PDE1C: variants seen among roughly 807,000 people sequenced by gnomAD.
The protein encoded by PDE1C is phosphodiesterase 1C.
A neutral mutation model predicts 93.1 loss-of-function variants in PDE1C; 62 were observed. That is an observed-to-expected ratio of 0.67 (90% CI 0.54 to 0.82). PDE1C has a LOEUF of 0.82. Among genes scored for constraint, PDE1C ranks in the 40% least tolerant of loss-of-function variants. The pLI, the probability that PDE1C is intolerant of heterozygous loss-of-function variation, is 0.00. For missense variants in PDE1C, 742 were observed against 884.6 expected (o/e 0.84, Z 2.04); for synonymous variants, 325 against 310.1 (o/e 1.05, Z -0.50).
intron 4 of PDE1C, among the ~76,000 whole-genome samples, chr7:31,878,471 C>T (rs538341052): frequency 2.0e-5 from 3 of 152,188 alleles, no homozygotes; most frequent in East Asian, 1.9e-4. Flanking sequence ...TTAAACTTAC[C>T]GTGGTGTTTC....
At chr7:31,754,913 G>A (rs769315618) in intron 17 of PDE1C, among the ~76,000 whole-genome samples, 18 of 152,196 alleles carry the variant, frequency 1.2e-4, no homozygotes, top group Admixed American at 7.9e-4. Flanking sequence ...TAAGAGGTCG[G>A]AGGAATCCTA....
At chr7:32,245,968 CTT>C (rs369247468) in intron 1 of PDE1C, among the ~76,000 whole-genome samples, 1,302 of 94,802 alleles carry the variant, frequency 0.014, 18 homozygotes, top group African/African-American at 0.041. Context: ...TTTTTCTTTT[CTT>C]TTTTTTTTTT....
At chr7:32,209,734 G>T (rs1401954755) in intron 1 of PDE1C, among the ~76,000 whole-genome samples, 2 of 152,180 alleles carry the variant, frequency 1.3e-5, no homozygotes, top group Non-Finnish European at 2.9e-5. Flanking sequence ...GAAGTCAAAT[G>T]TCTCAATCAT....
chr7:32,179,399 T>A (rs1803235133), intron 2 of PDE1C, among the ~76,000 whole-genome samples: 1 of 151,850 alleles, frequency 6.6e-6, no homozygotes, highest in Admixed American at 6.6e-5. Flanking sequence ...CAGCTGAGAC[T>A]ACAGACGTCC....
chr7:32,384,251 C>A (rs965178044), intron 1 of PDE1C, among the ~76,000 whole-genome samples: 1 of 152,216 alleles, frequency 6.6e-6, no homozygotes, highest in Non-Finnish European at 1.5e-5. Context: ...CACAAAGATT[C>A]TAGTCTAGAT....
intron 2 of PDE1C, among the ~76,000 whole-genome samples, chr7:31,907,070 GGT>G (rs55999814): frequency 0.22 from 31,695 of 145,132 alleles, 3,513 homozygotes; most frequent in South Asian, 0.28. Flanking sequence ...TGATATGTGG[GGT>G]GTGTGTGTGT....
At chr7:32,292,983 G>A (rs906458966) in intron 1 of PDE1C, among the ~76,000 whole-genome samples, 2 of 152,196 alleles carry the variant, frequency 1.3e-5, no homozygotes, top group African/African-American at 4.8e-5. Flanking sequence ...GGCCAGCACA[G>A]TTGTACAGGG....
upstream of PDE1C, among the ~76,000 whole-genome samples, chr7:32,301,318 G>C (rs1332388471): frequency 2.0e-5 from 3 of 151,686 alleles, no homozygotes; most frequent in Admixed American, 6.6e-5. Flanking sequence ...TCAAAAAAAA[G>C]AAAAAAGAAA....
the PDE1C span, among the ~76,000 whole-genome samples, chr7:31,723,443 T>C: frequency 6.6e-6 from 1 of 152,354 alleles, no homozygotes; most frequent in East Asian, 1.9e-4. Context: ...TGCCTGGCAC[T>C]CTAGTGTCAA....
chr7:32,296,935 G>T (rs1348672544), intron 1 of PDE1C, among the ~76,000 whole-genome samples: 1 of 152,176 alleles, frequency 6.6e-6, no homozygotes, highest in Non-Finnish European at 1.5e-5. Context: ...ACCAACAGGT[G>T]CCTAAATAAC....
chr7:32,105,655 A>G (rs1798262310), intron 3 of PDE1C, among the ~76,000 whole-genome samples: 2 of 150,520 alleles, frequency 1.3e-5, no homozygotes, highest in South Asian at 4.2e-4. Flanking sequence ...CTCCCTCTTC[A>G]TCCTCCCAAG....
At chr7:31,678,445 A>G in the PDE1C span, among the ~76,000 whole-genome samples, 1 of 152,206 alleles carries the variant, frequency 6.6e-6, no homozygotes. Flanking sequence ...AATTTAGTAT[A>G]CTATAAAGAT....
At chr7:31,623,395 G>T in the PDE1C span, among the ~76,000 whole-genome samples, 1 of 151,514 alleles carries the variant, frequency 6.6e-6, no homozygotes, top group African/African-American at 2.4e-5. Flanking sequence ...ACATCAAAAA[G>T]CTTATCCACC....
chr7:32,005,831 A>G lies in PDE1C; in HGVS notation c.128+45723T>C, dbSNP rs370809944. Reference sequence around the variant, plus strand: ...TAATTTGGCATTTTTGGATGTGCGCATTTTAAACAGGTTTTGTACAGATTC... The same window carrying G: ...TAATTTGGCATTTTTGGATGTGCGCGTTTTAAACAGGTTTTGTACAGATTC... On this transcript the variant is annotated intron_variant, in intron 2 of 17. Coordinates refer to ENST00000396191, the MANE Select transcript of PDE1C (RefSeq NM_001191057.4). Among the ~76,000 whole-genome samples the G allele has an allele frequency of 1.1e-4, 17 of 152,234 alleles. 3 individuals carry two copies. Among genetic ancestry groups the G allele is most frequent in the Admixed American group, 6.5e-5 (1 of 15,292 alleles).
chr7:32,082,303 C>A (rs1170741394), intron 3 of PDE1C, among the ~76,000 whole-genome samples: 1 of 152,210 alleles, frequency 6.6e-6, no homozygotes, highest in Non-Finnish European at 1.5e-5. Context: ...GGCAGCGAGG[C>A]TGGGGGAGGG....
intron 1 of PDE1C, among the ~76,000 whole-genome samples, chr7:32,315,554 G>A (rs571759814): frequency 6.6e-6 from 1 of 152,116 alleles, no homozygotes; most frequent in Admixed American, 6.5e-5. Context: ...TCCTACCCAG[G>A]AACATTGGTT....
At chr7:32,015,299 A>AG in intron 2 of PDE1C, among the ~76,000 whole-genome samples, 1 of 151,952 alleles carries the variant, frequency 6.6e-6, no homozygotes, top group African/African-American at 2.4e-5. Flanking sequence ...TGAGTTTAAA[A>AG]AAAAAAAACC....
chr7:31,930,799 A>G (rs1804096999), intron 2 of PDE1C, among the ~76,000 whole-genome samples: 1 of 136,634 alleles, frequency 7.3e-6, no homozygotes, highest in African/African-American at 2.7e-5. Context: ...TAGTGAGCCG[A>G]GATCATGCCA....
chr7:31,801,039 A>C (rs1192041912), intron 16 of PDE1C, among the ~76,000 whole-genome samples: 1 of 150,756 alleles, frequency 6.6e-6, no homozygotes, highest in Admixed American at 6.6e-5. Context: ...GCCTACATTA[A>C]AAAAGAAAAA....
Sources: gnomAD v4.1 joint callset for allele counts (sites outside exome capture counted in the v4.1 genomes callset) on GRCh38, gnomAD v4.1.1 for gene constraint, MANE v1.5 for transcripts, NCBI Gene and HGNC (gene_info 2026-07-23, HGNC 2026-07-21) for gene names.